Variants in HMGA1 observed in about 807,000 individuals in gnomAD.
HMGA1 encodes the protein high mobility group AT-hook 1.
Under a neutral mutation model 15.1 loss-of-function variants are expected in HMGA1, and 1 was observed. The observed-to-expected ratio is 0.07, with a 90% CI of 0.02 to 0.31. The LOEUF (loss-of-function observed/expected upper bound fraction) is 0.31. Ranked by LOEUF, HMGA1 falls within the 10% of genes least tolerant of loss-of-function variation. The pLI is 1.00. For synonymous variants in HMGA1, 56 were observed against 54.8 expected, an observed-to-expected ratio of 1.02 and a Z score of -0.10; for missense variants, 94 against 141.4, an observed-to-expected ratio of 0.66 and a Z score of 1.70.
intron 2 of HMGA1, among the ~76,000 whole-genome samples, chr6:34,238,291 G>A (rs1434299757): frequency 6.6e-6 from 1 of 152,096 alleles, no homozygotes; most frequent in Non-Finnish European, 1.5e-5. Context: ...CCGCCGGCCG[G>A]CCTGCAACGG....
chr6:34,243,427 G>A (rs779600220), intron 4 of HMGA1, 41 bp from the exon 5 acceptor site: 12 of 1,522,506 alleles, frequency 7.9e-6, no homozygotes, highest in Non-Finnish European at 1.1e-5. Context: ...GAGCACTGAT[G>A]AGCATTTTGG....
chr6:34,245,065 A>G lies in HMGA1; in HGVS notation c.*181A>G. On this transcript the variant is annotated 3_prime_UTR_variant, in exon 6 of 6. Coordinates refer to ENST00000311487, the MANE Select transcript of HMGA1 (RefSeq NM_145899.3). Reference sequence around the variant, plus strand: ...CACTACACAGCACACCAGCCGCTGCAGGGCTCCCATGGGCTGAGTGGGGAG... The same window carrying G: ...CACTACACAGCACACCAGCCGCTGCGGGGCTCCCATGGGCTGAGTGGGGAG... 1.3e-6 allele frequency: 2 copies of G among 1,531,984 alleles called. No individual in the cohort carries two copies. The highest frequency in any genetic ancestry group is 1.8e-6 in the Non-Finnish European group (2 of 1,139,716). 94.9% of individuals were successfully genotyped at this position (1,531,984 alleles called of 1,614,324 possible).
chr6:34,240,857 G>A lies in HMGA1; in HGVS notation c.77G>A (p.Arg26Gln), dbSNP rs1375494840. Residue 26 changes from arginine (R) to glutamine (Q), a missense_variant, in exon 3 of 6, where the codon CGG becomes CAG. By Grantham distance (43) the Arg-to-Gln change is conservative (BLOSUM62 1). Transcript: ENST00000311487. ...AAGGACGGCACTGAGAAGCGGGGCC[G>A]GGGCAGGCCGCGCAAGCAGCCTCCG... is the stretch of plus-strand genomic sequence containing the variant. ...QEKDGTEKRG[R>Q]GRPRKQPPVS... 4 of 1,613,526 alleles carry A rather than the reference G, an allele frequency of 2.5e-6. No individual in the cohort carries two copies. Among genetic ancestry groups the A allele is most frequent in the Non-Finnish European group, 3.4e-6 (4 of 1,179,836 alleles).
intron 2 of HMGA1, among the ~76,000 whole-genome samples, chr6:34,238,071 G>A (rs1761959813): frequency 1.3e-5 from 2 of 152,262 alleles, no homozygotes; most frequent in African/African-American, 4.8e-5. Flanking sequence ...TTTATTTTGC[G>A]GGGAGGGGAC....
At chr6:34,239,875 G>A (rs1328815912) in intron 2 of HMGA1, among the ~76,000 whole-genome samples, 1 of 152,118 alleles carries the variant, frequency 6.6e-6, no homozygotes, top group Non-Finnish European at 1.5e-5. Flanking sequence ...AAGGTTTTAG[G>A]ATGAGCCCTA....
In HMGA1 at chr6:34,238,895, C is replaced by A. The variant is rs573143487; in HGVS notation, c.-45+1578C>A. 3.3e-5 allele frequency: 5 copies of A among 152,330 alleles called. No individual in the cohort carries two copies. The East Asian group carries it at 7.7e-4, about 24-fold the overall frequency. 9.4% of individuals were successfully genotyped at this position (152,330 alleles called of 1,614,324 possible). A position where few individuals can be genotyped will look rare whatever the true frequency, so the allele number is the denominator to read the frequency against. On this transcript the variant is annotated intron_variant, in intron 2 of 5. Transcript: ENST00000311487. ...GGCCGGGCCAGGCTCTCTGGGATTC[C>A]GGACTGGCTTCGCCCAACTGGAACC...
In HMGA1 at chr6:34,240,899, C is replaced by G; in HGVS notation, c.119C>G (p.Ala40Gly). ...CAGCCTCCGGTGAGTCCCGGGACAG[C>G]GCTGGTAGGGAGTCAGGTGGGTGTC... ...RKQPPVSPGT[A>G]LVGSQKEPSE... Residue 40 changes from alanine (A) to glycine (G), a missense_variant, in exon 3 of 6, where the codon GCG (alanine) becomes GGG (glycine). Coordinates refer to ENST00000311487, the MANE Select transcript of HMGA1 (RefSeq NM_145899.3). 1.2e-6 allele frequency: 2 copies of G among 1,613,646 alleles called. No homozygotes were observed. Among genetic ancestry groups the G allele is most frequent in the Non-Finnish European group, 1.7e-6 (2 of 1,179,724 alleles).
rs374982880 is a variant in HMGA1 at position 34,243,585 on chromosome 6, G to A, written c.270+67G>A. ...TTGAGTTGAGGGTGTTGAGTACACA[G>A]TACCTGATGCTATGCACCCCCTATG... On this transcript the variant is annotated intron_variant, in intron 5 of 5. Coordinates refer to ENST00000311487, the MANE Select transcript of HMGA1 (RefSeq NM_145899.3). 8.7e-6 allele frequency: 11 copies of A among 1,264,480 alleles called. No homozygotes were observed. The East Asian group carries it at 2.1e-4, about 24-fold the overall frequency. 78.3% of individuals were successfully genotyped at this position (1,264,480 alleles called of 1,614,324 possible). A position where few individuals can be genotyped will look rare whatever the true frequency, so the allele number is the denominator to read the frequency against.
intron 2 of HMGA1, 42 bp downstream of exon 2, chr6:34,237,359 G>GGCGCCC (rs1050137612): frequency 3.4e-5 from 5 of 145,594 alleles, no homozygotes; most frequent in African/African-American, 1.2e-4. Flanking sequence ...GGCGGAGGGG[G>GGCGCCC]GCGCCCGCGC....
At chr6:34,238,482 C>T (rs1301226428) in intron 2 of HMGA1, among the ~76,000 whole-genome samples, 1 of 152,212 alleles carries the variant, frequency 6.6e-6, no homozygotes, top group Non-Finnish European at 1.5e-5. Context: ...CTTCTCTGGG[C>T]TACTTTTTTA....
chr6:34,239,483 C>G (rs1762120089), intron 2 of HMGA1, among the ~76,000 whole-genome samples: 1 of 152,104 alleles, frequency 6.6e-6, no homozygotes, highest in Non-Finnish European at 1.5e-5. Context: ...TTAAGTTTTT[C>G]TAAACTATTA....
At chr6:34,237,956 G>T (rs1350865016) in intron 2 of HMGA1, among the ~76,000 whole-genome samples, 1 of 152,144 alleles carries the variant, frequency 6.6e-6, no homozygotes, top group Non-Finnish European at 1.5e-5. Flanking sequence ...AGCCCCAGGG[G>T]CCGGGCCTGC....
chr6:34,244,982 C>A lies in HMGA1; in HGVS notation c.*98C>A. The A allele has an allele frequency of 1.3e-6, 2 of 1,546,018 alleles. No homozygotes were observed. Among genetic ancestry groups the A allele is most frequent in the Non-Finnish European group, 1.7e-6 (2 of 1,144,962 alleles). ...ACCGCCCCCACCCCTTCCCCAGGCC[C>A]ACCATCACCACCGCCTCTGGCCGCC... On this transcript the variant is annotated 3_prime_UTR_variant, in exon 6 of 6. Coordinates refer to ENST00000311487, the MANE Select transcript of HMGA1 (RefSeq NM_145899.3).
chr6:34,237,569 C>G (rs1324895995), intron 2 of HMGA1, among the ~76,000 whole-genome samples: 2 of 145,606 alleles, frequency 1.4e-5, no homozygotes, highest in Non-Finnish European at 3.1e-5. Context: ...GGGGCGGGGA[C>G]CCGGGAAAGG....
At position 34,240,909 on chromosome 6, in the gene HMGA1, G is replaced by C; in HGVS notation, c.129G>C (p.Gly43=). ...TGAGTCCCGGGACAGCGCTGGTAGGGAGTCAGGTGGGTGTCCAAACCTTTG... is the reference window on the plus strand; with the variant it reads ...TGAGTCCCGGGACAGCGCTGGTAGGCAGTCAGGTGGGTGTCCAAACCTTTG... ...PPVSPGTALV[G]SQKEPSEVPT... The change falls in exon 3 of 6, where the codon GGG becomes GGC. Residue 43 remains glycine (G), a synonymous_variant. Transcript: ENST00000311487. 6.2e-7 allele frequency: 1 copy of C among 1,613,714 alleles called. No homozygotes were observed. Among genetic ancestry groups the C allele is most frequent in the Non-Finnish European group, 8.5e-7 (1 of 1,179,738 alleles).
At chr6:34,243,604 C>T in intron 5 of HMGA1, 86 bp downstream of exon 5, 1 of 1,106,156 alleles carries the variant, frequency 9.0e-7, no homozygotes, top group Non-Finnish European at 1.4e-6. Flanking sequence ...GCTATGCACC[C>T]CCTATGGAAA....
At chr6:34,242,343 C>T (rs1762377474) in intron 3 of HMGA1, among the ~76,000 whole-genome samples, 1 of 152,188 alleles carries the variant, frequency 6.6e-6, no homozygotes, top group African/African-American at 2.4e-5. Context: ...GGGAAGTCTT[C>T]ACCATTTATA....
At chr6:34,241,998 G>A (rs1048828349) in intron 3 of HMGA1, among the ~76,000 whole-genome samples, 3 of 152,142 alleles carry the variant, frequency 2.0e-5, no homozygotes, top group Non-Finnish European at 4.4e-5. Flanking sequence ...TGTCAGGAGG[G>A]GTGCAGGGTT....
Position 34,242,689 on chromosome 6 carries a change from G to T in HMGA1, c.136-23G>T. ...GTGGAAACAGGTGATGACTGTCCCT[G>T]ACTACCCCCTCTGTCTTTACAGAAG... On this transcript the variant is annotated intron_variant, in intron 3 of 5. Coordinates refer to ENST00000311487, the MANE Select transcript of HMGA1 (RefSeq NM_145899.3). 2.0e-6 allele frequency: 3 copies of T among 1,527,108 alleles called. 1 individual carries two copies. Among genetic ancestry groups the T allele is most frequent in the East Asian group, 2.4e-5 (1 of 41,530 alleles). The allele number at this position is 1,527,108 out of a possible 1,614,324, so 94.6% of individuals were successfully genotyped here. A position where few individuals can be genotyped will look rare whatever the true frequency, so the allele number is the denominator to read the frequency against.
Sources: allele counts gnomAD v4.1 joint callset (sites outside exome capture counted in the v4.1 genomes callset), GRCh38; gene constraint gnomAD v4.1.1; transcripts MANE v1.5; gene names NCBI Gene and HGNC (gene_info 2026-07-23, HGNC 2026-07-21).